RALYL: variants seen among roughly 807,000 people sequenced by gnomAD.
The protein encoded by RALYL is RNA-binding Raly-like protein.
Under a neutral mutation model 35.1 loss-of-function variants are expected in RALYL, and 29 were observed. The observed-to-expected ratio is 0.83, with a 90% CI of 0.61 to 1.13. The LOEUF (loss-of-function observed/expected upper bound fraction) is 1.13, where lower values mean the gene tolerates loss of function less well. Ranked by LOEUF, RALYL falls within the 50% of genes most tolerant of loss-of-function variation. RALYL has a pLI of 0.00. For missense variants in RALYL, 359 were observed against 360.4 expected, an observed-to-expected ratio of 1.00 and a Z score of 0.03; for synonymous variants, 120 against 127.6, an observed-to-expected ratio of 0.94 and a Z score of 0.40.
At chr8:84,280,185 ATG>A (rs1381682891) in intron 1 of RALYL, among the ~76,000 whole-genome samples, 7 of 152,204 alleles carry the variant, frequency 4.6e-5, no homozygotes, top group African/African-American at 1.7e-4. Flanking sequence ...CATTAAAATC[ATG>A]TCTCAATTAT....
At chr8:84,470,092 C>G (rs890637102) in intron 1 of RALYL, among the ~76,000 whole-genome samples, 8 of 152,310 alleles carry the variant, frequency 5.3e-5, no homozygotes, top group East Asian at 1.9e-4. Context: ...GCAGAAATCA[C>G]CCATCTTCTG....
intron 1 of RALYL, among the ~76,000 whole-genome samples, chr8:84,286,094 G>A (rs1396918020): frequency 6.6e-6 from 1 of 152,112 alleles, no homozygotes; most frequent in Non-Finnish European, 1.5e-5. Flanking sequence ...GGGGTTTGCT[G>A]ATGATTGAGT....
Position 84,271,099 on chromosome 8 carries a change from A to G in RALYL, c.-24+86675A>G, listed in dbSNP as rs75188869. Reference sequence around the variant, plus strand: ...TATTTGCTCTTTACAAGATACCACCAAGAAAATAAAAACAAGCTAGAGTGA... The same window carrying G: ...TATTTGCTCTTTACAAGATACCACCGAGAAAATAAAAACAAGCTAGAGTGA... On this transcript the variant is annotated intron_variant, in intron 1 of 8. Transcript: ENST00000521268. Among the ~76,000 whole-genome samples the G allele has an allele frequency of 7.3e-3, 1,118 of 152,234 alleles. 56 individuals carry two copies. The East Asian group carries it at 0.13, about 18-fold the overall frequency.
intron 2 of RALYL, among the ~76,000 whole-genome samples, chr8:84,772,390 A>C (rs1247598569): frequency 6.6e-6 from 1 of 152,108 alleles, no homozygotes; most frequent in African/African-American, 2.4e-5. Context: ...GCATATACAT[A>C]AAAAATATTG....
intron 1 of RALYL, among the ~76,000 whole-genome samples, chr8:84,306,358 G>A (rs1841807259): frequency 6.6e-6 from 1 of 152,112 alleles, no homozygotes; most frequent in Non-Finnish European, 1.5e-5. Context: ...TATTTTGGGT[G>A]GGTCTGCTAA....
At chr8:84,843,629 T>C (rs1199859518) in intron 4 of RALYL, among the ~76,000 whole-genome samples, 1 of 152,104 alleles carries the variant, frequency 6.6e-6, no homozygotes, top group Non-Finnish European at 1.5e-5. Context: ...TTAAAGTTCA[T>C]ATGGAACCAA....
chr8:84,786,573 T>A (rs1442103377), intron 3 of RALYL, among the ~76,000 whole-genome samples: 9 of 152,222 alleles, frequency 5.9e-5, no homozygotes, highest in African/African-American at 2.2e-4. Context: ...ATTTCTCTAA[T>A]GACCAGTGAT....
chr8:84,674,246 G>A (rs1254176626), intron 2 of RALYL, among the ~76,000 whole-genome samples: 2 of 152,172 alleles, frequency 1.3e-5, no homozygotes, highest in Non-Finnish European at 2.9e-5. Context: ...CTTTGCTGAA[G>A]TTGCTTATTA....
chr8:84,211,859 G>A (rs1819572225), intron 1 of RALYL, among the ~76,000 whole-genome samples: 1 of 152,036 alleles, frequency 6.6e-6, no homozygotes, highest in Non-Finnish European at 1.5e-5. Context: ...AATAATAATA[G>A]TAATAATAAT....
chr8:84,587,571 A>G lies in RALYL; in HGVS notation c.256+57994A>G, dbSNP rs182281338. On this transcript the variant is annotated intron_variant, in intron 2 of 8. Transcript: ENST00000521268. ...CCCCAGATAAGAGTTATTCTACAGCAGCATTTCTAAACTAATTTGATCAGA... is the reference window on the plus strand; with the variant it reads ...CCCCAGATAAGAGTTATTCTACAGCGGCATTTCTAAACTAATTTGATCAGA... Among the ~76,000 whole-genome samples the G allele has an allele frequency of 3.9e-5, 6 of 152,324 alleles. No homozygotes were observed. The East Asian group carries it at 7.7e-4, about 20-fold the overall frequency.
At chr8:84,525,402 G>A (rs2058804819) in intron 1 of RALYL, among the ~76,000 whole-genome samples, 1 of 151,950 alleles carries the variant, frequency 6.6e-6, no homozygotes. Context: ...ATGCCTGACA[G>A]CTCTCTATTT....
At chr8:84,556,287 T>C (rs537467770) in intron 2 of RALYL, among the ~76,000 whole-genome samples, 1 of 152,308 alleles carries the variant, frequency 6.6e-6, no homozygotes, top group East Asian at 1.9e-4. Context: ...CTGAAACTTC[T>C]GAAAAGATAC....
chr8:84,698,514 A>T (rs191044697), intron 2 of RALYL, among the ~76,000 whole-genome samples: 1 of 152,078 alleles, frequency 6.6e-6, no homozygotes, highest in Non-Finnish European at 1.5e-5. Flanking sequence ...TTTTAGCATC[A>T]TGTATTTATT....
intron 1 of RALYL, among the ~76,000 whole-genome samples, chr8:84,331,407 A>C (rs1473009532): frequency 6.6e-6 from 1 of 152,120 alleles, no homozygotes; most frequent in South Asian, 2.1e-4. Context: ...TACTATAATA[A>C]TCCTCATGTC....
intron 2 of RALYL, among the ~76,000 whole-genome samples, chr8:84,703,548 C>T (rs1295872745): frequency 6.6e-6 from 1 of 152,018 alleles, no homozygotes; most frequent in Non-Finnish European, 1.5e-5. Flanking sequence ...ATGGTCTTTC[C>T]AAAAACTGTT....
chr8:84,638,243 A>T (rs915015974), intron 2 of RALYL, among the ~76,000 whole-genome samples: 6 of 151,940 alleles, frequency 3.9e-5, no homozygotes, highest in African/African-American at 1.4e-4. Context: ...GATGGAAATT[A>T]AAAAATTCTT....
chr8:84,209,125 C>CAAAAAA lies in RALYL; in HGVS notation c.-24+24715_-24+24720dup, dbSNP rs60246316. ...TTGCATAAACATCCCACTCCTCCAC[C>CAAAAAA]AAAAAAAAAAAAAAAAAAAGAAAAG... On this transcript the variant is annotated intron_variant, in intron 1 of 8. Coordinates refer to ENST00000521268, the MANE Select transcript of RALYL (RefSeq NM_173848.7). Among the ~76,000 whole-genome samples the CAAAAAA allele has an allele frequency of 1.8e-3, 171 of 97,408 alleles. 1 individual carries two copies. Among genetic ancestry groups the CAAAAAA allele is most frequent in the Non-Finnish European group, 2.2e-3 (110 of 49,056 alleles). The allele number at this position is 97,408 out of a possible 152,430, so 63.9% of individuals were successfully genotyped here.
intron 4 of RALYL, among the ~76,000 whole-genome samples, chr8:84,813,538 A>ACAT (rs1826402269): frequency 2.6e-5 from 4 of 152,208 alleles, no homozygotes; most frequent in Admixed American, 2.0e-4. Flanking sequence ...TGAGTATGTA[A>ACAT]CATTGAATTT....
chr8:84,274,756 G>C (rs143441963), intron 1 of RALYL, among the ~76,000 whole-genome samples: 2 of 152,062 alleles, frequency 1.3e-5, no homozygotes, highest in African/African-American at 2.4e-5. Flanking sequence ...CCTATATTAC[G>C]AAGAGAAGAT....
Sources: allele counts gnomAD v4.1 joint callset (sites outside exome capture counted in the v4.1 genomes callset), GRCh38; gene constraint gnomAD v4.1.1; transcripts MANE v1.5; gene names NCBI Gene and HGNC (gene_info 2026-07-23, HGNC 2026-07-21).